Variants in CTNND2 observed in about 807,000 individuals in gnomAD.
CTNND2 encodes catenin delta 2, also known as catenin delta-2.
Under a neutral mutation model 144.4 loss-of-function variants are expected in CTNND2, and 22 were observed. The ratio of observed to expected loss-of-function variants is 0.15; its 90% confidence interval spans 0.11 to 0.22. The LOEUF (loss-of-function observed/expected upper bound fraction) is 0.22. Among genes scored for constraint, CTNND2 ranks in the 10% least tolerant of loss-of-function variants. CTNND2 has a pLI of 1.00. For missense variants in CTNND2, 1,353 were observed against 1,618.8 expected (o/e 0.84, Z 2.82); for synonymous variants, 751 against 695.6 (o/e 1.08, Z -1.25).
chr5:11,783,140 C>G (rs1004423516), intron 1 of CTNND2, among the ~76,000 whole-genome samples: 1 of 152,130 alleles, frequency 6.6e-6, no homozygotes, highest in African/African-American at 2.4e-5. Flanking sequence ...GATCATGTGT[C>G]TAGCTCTTTC....
At chr5:11,617,206 C>T (rs1780621091) in intron 2 of CTNND2, among the ~76,000 whole-genome samples, 1 of 152,160 alleles carries the variant, frequency 6.6e-6, no homozygotes, top group Admixed American at 6.5e-5. Flanking sequence ...TACACAAATG[C>T]TCCTATTTCT....
intron 2 of CTNND2, among the ~76,000 whole-genome samples, chr5:11,671,073 T>C (rs937837195): frequency 1.3e-5 from 2 of 152,330 alleles, no homozygotes; most frequent in East Asian, 1.9e-4. Context: ...GGTTTGAAAA[T>C]TCTTTTCTGT....
chr5:11,725,537 A>G (rs1224536241), intron 2 of CTNND2, among the ~76,000 whole-genome samples: 2 of 152,266 alleles, frequency 1.3e-5, no homozygotes, highest in East Asian at 3.9e-4. Flanking sequence ...TTTTCTTCAG[A>G]AAAATATCAG....
chr5:11,818,569 T>C (rs116315248), intron 1 of CTNND2, among the ~76,000 whole-genome samples: 2,980 of 152,196 alleles, frequency 0.02, 106 homozygotes, highest in African/African-American at 0.069. Context: ...AGTTTCACCA[T>C]GTTGGTCAGA....
chr5:11,694,816 A>G (rs1785070861), intron 2 of CTNND2, among the ~76,000 whole-genome samples: 1 of 152,150 alleles, frequency 6.6e-6, no homozygotes, highest in African/African-American at 2.4e-5. Context: ...TCAAGCAGCA[A>G]ACACCCAATC....
At chr5:11,388,586 G>C (rs1759318686) in intron 6 of CTNND2, among the ~76,000 whole-genome samples, 1 of 152,146 alleles carries the variant, frequency 6.6e-6, no homozygotes, top group Non-Finnish European at 1.5e-5. Context: ...ACTATTCTTT[G>C]GTTAAACAGA....
intron 2 of CTNND2, among the ~76,000 whole-genome samples, chr5:11,708,271 T>C (rs1312197828): frequency 1.3e-5 from 2 of 152,112 alleles, no homozygotes; most frequent in African/African-American, 2.4e-5. Context: ...ACAAAACCCA[T>C]TGCAGAGTAA....
At chr5:11,832,368 G>T (rs1468451803) in intron 1 of CTNND2, among the ~76,000 whole-genome samples, 1 of 152,028 alleles carries the variant, frequency 6.6e-6, no homozygotes, top group African/African-American at 2.4e-5. Flanking sequence ...CACAGTCTGG[G>T]AGAAGATATC....
At chr5:11,234,014 G>T (rs909968689) in intron 10 of CTNND2, among the ~76,000 whole-genome samples, 1 of 152,176 alleles carries the variant, frequency 6.6e-6, no homozygotes, top group Non-Finnish European at 1.5e-5. Context: ...GCAGCCTTTA[G>T]AAGGTAGCAT....
At chr5:11,411,505 T>C in intron 5 of CTNND2, 31 bp downstream of exon 5, 1 of 1,094,306 alleles carries the variant, frequency 9.1e-7, no homozygotes, top group Non-Finnish European at 1.4e-6. Flanking sequence ...ATATTTCAAC[T>C]ATCTTCAAGC....
intron 2 of CTNND2, among the ~76,000 whole-genome samples, chr5:11,591,979 C>T (rs981199834): frequency 6.6e-6 from 1 of 151,470 alleles, no homozygotes; most frequent in Non-Finnish European, 1.5e-5. Flanking sequence ...CTTATGCTAC[C>T]CACCCCCCAA....
chr5:11,348,000 A>G (rs1754964806), intron 8 of CTNND2, among the ~76,000 whole-genome samples: 1 of 152,310 alleles, frequency 6.6e-6, no homozygotes, highest in Middle Eastern at 3.4e-3. Context: ...AACTTTCAAG[A>G]CTTCATCTTA....
chr5:11,678,587 T>C (rs933590553), intron 2 of CTNND2, among the ~76,000 whole-genome samples: 7 of 152,284 alleles, frequency 4.6e-5, no homozygotes, highest in Middle Eastern at 3.4e-3. Context: ...TCTAGCACTA[T>C]TGATCATTGA....
At chr5:11,470,980 A>ATATTT (rs1219093645) in intron 3 of CTNND2, among the ~76,000 whole-genome samples, 3 of 91,582 alleles carry the variant, frequency 3.3e-5, no homozygotes, top group African/African-American at 1.1e-4. Flanking sequence ...ATATATATAT[A>ATATTT]TTTTTTTTTT....
intron 18 of CTNND2, among the ~76,000 whole-genome samples, chr5:11,010,654 G>A (rs1740974602): frequency 6.6e-6 from 1 of 152,210 alleles, no homozygotes. Flanking sequence ...CTCTGATTTG[G>A]ACATGTGAGG....
At chr5:11,056,114 G>A (rs907824514) in intron 16 of CTNND2, among the ~76,000 whole-genome samples, 5 of 152,228 alleles carry the variant, frequency 3.3e-5, no homozygotes, top group African/African-American at 1.2e-4. Context: ...CTTTTGCTAA[G>A]TACATGCTTG....
chr5:11,385,173 C>CGGG lies in CTNND2; in HGVS notation c.668_669insCCC (p.Pro226dup). ...GCGCGAACGGCTCCCGCGGCGGCGG[C>CGGG]GGCGGCGGCGGCGCGGGCTCGGGCC... On this transcript the variant is annotated inframe_insertion, in exon 7 of 22. Transcript: ENST00000304623. The CGGG allele has an allele frequency of 9.7e-7, 1 of 1,031,686 alleles. No individual in the cohort carries two copies. Among genetic ancestry groups the CGGG allele is most frequent in the Admixed American group, 5.8e-5 (1 of 17,330 alleles). The allele number at this position is 1,031,686 out of a possible 1,614,324, so 63.9% of individuals were successfully genotyped here.
At chr5:11,449,587 G>T (rs1194594406) in intron 3 of CTNND2, among the ~76,000 whole-genome samples, 1 of 152,090 alleles carries the variant, frequency 6.6e-6, no homozygotes, top group Non-Finnish European at 1.5e-5. Flanking sequence ...GACAGCAGGG[G>T]GCACACTCAA....
chr5:11,066,882 A>G (rs912287491), intron 16 of CTNND2, among the ~76,000 whole-genome samples: 5 of 152,224 alleles, frequency 3.3e-5, no homozygotes, highest in Non-Finnish European at 5.9e-5. Flanking sequence ...TGGGTCTCCC[A>G]CTGTCTATGT....
Sources: allele counts gnomAD v4.1 joint callset (sites outside exome capture counted in the v4.1 genomes callset), GRCh38; gene constraint gnomAD v4.1.1; transcripts MANE v1.5; gene names NCBI Gene and HGNC (gene_info 2026-07-23, HGNC 2026-07-21).